MPDZ: variants seen among roughly 807,000 people sequenced by gnomAD.
MPDZ encodes multiple PDZ domain crumbs cell polarity complex component, also known as multiple PDZ domain protein.
Under a neutral mutation model 239.1 loss-of-function variants are expected in MPDZ, and 234 were observed. That is an observed-to-expected ratio of 0.98 (90% confidence interval 0.88 to 1.09). MPDZ has a LOEUF of 1.09. MPDZ is among the 50% of genes least tolerant of loss of function. The probability of loss-of-function intolerance (pLI) is 0.00; values close to 1 mark genes in which losing one functional copy is unlikely to be tolerated. For synonymous variants in MPDZ, 1,048 were observed against 881.3 expected (o/e 1.19, Z -3.35); for missense variants, 3,175 against 2,510.0 (o/e 1.26, Z -5.66).
intron 3 of MPDZ, among the ~76,000 whole-genome samples, chr9:13,230,760 G>A (rs1163042144): frequency 6.6e-6 from 1 of 151,924 alleles, no homozygotes; most frequent in East Asian, 1.9e-4. Flanking sequence ...AGGGAGAGGA[G>A]GGAAACGGGA....
chr9:13,190,502 A>G (rs1954756727), intron 15 of MPDZ, among the ~76,000 whole-genome samples: 1 of 152,204 alleles, frequency 6.6e-6, no homozygotes, highest in Non-Finnish European at 1.5e-5. Context: ...CCTAAGTTTT[A>G]ACAAACATTA....
chr9:13,187,470 T>C (rs1954277050), intron 17 of MPDZ, among the ~76,000 whole-genome samples: 1 of 152,184 alleles, frequency 6.6e-6, no homozygotes, highest in African/African-American at 2.4e-5. Context: ...CTATCTTTAT[T>C]CTTACATTCC....
intron 1 of MPDZ, among the ~76,000 whole-genome samples, chr9:13,277,522 C>G (rs1344766294): frequency 6.6e-6 from 1 of 152,060 alleles, no homozygotes; most frequent in Non-Finnish European, 1.5e-5. Context: ...ATTAGAAGAT[C>G]AAGTCAAGGA....
At chr9:13,141,647 C>A (rs561255173) in intron 27 of MPDZ, among the ~76,000 whole-genome samples, 2 of 151,974 alleles carry the variant, frequency 1.3e-5, no homozygotes, top group Non-Finnish European at 2.9e-5. Flanking sequence ...AAATGATAAA[C>A]ACGCACAAAT....
At chr9:13,136,325 C>CTTT (rs869272418) in intron 30 of MPDZ, 143 bp from the exon 31 acceptor site, 2,633 of 156,380 alleles carry the variant, frequency 0.017, 441 homozygotes, top group African/African-American at 0.12. Context: ...CAAACGTTTT[C>CTTT]TTTTTTTTTT....
chr9:13,136,320 G>GT (rs1444109820), intron 30 of MPDZ, 138 bp from the exon 31 acceptor site: 157 of 194,512 alleles, frequency 8.1e-4, no homozygotes, highest in South Asian at 2.4e-3. Context: ...ATTTACAAAC[G>GT]TTTTCTTTTT....
chr9:13,168,232 T>C (rs1461706183), intron 22 of MPDZ, 134 bp downstream of exon 22: 2 of 801,482 alleles, frequency 2.5e-6, no homozygotes, highest in Non-Finnish European at 4.0e-6. Flanking sequence ...AAATAGTCAA[T>C]TTCTTGAGTG....
intron 8 of MPDZ, 117 bp from the exon 9 acceptor site, chr9:13,217,411 C>A: frequency 1.5e-6 from 1 of 653,272 alleles, no homozygotes; most frequent in South Asian, 2.0e-5. Context: ...TACTTTAATT[C>A]TCTAGCAAAG....
chr9:13,110,566 CT>C, intron 44 of MPDZ, 69 bp downstream of exon 44: 2 of 1,031,936 alleles, frequency 1.9e-6, no homozygotes, highest in Non-Finnish European at 3.0e-6. Context: ...ATTTTTACTG[CT>C]TTAACATCAA....
chr9:13,246,392 A>T (rs1300538637), intron 3 of MPDZ, among the ~76,000 whole-genome samples: 1 of 152,216 alleles, frequency 6.6e-6, no homozygotes, highest in African/African-American at 2.4e-5. Flanking sequence ...CAGTGAGCAG[A>T]GATGGTGCCA....
intron 7 of MPDZ, 123 bp from the exon 8 acceptor site, chr9:13,219,891 A>T: frequency 3.5e-6 from 3 of 849,378 alleles, no homozygotes; most frequent in Non-Finnish European, 5.5e-6. Flanking sequence ...GACATAAAAT[A>T]AAACACATGG....
intron 32 of MPDZ, among the ~76,000 whole-genome samples, chr9:13,128,884 A>T (rs1945501036): frequency 6.6e-6 from 1 of 152,168 alleles, no homozygotes; most frequent in African/African-American, 2.4e-5. Context: ...GATAAAGCTG[A>T]CACTGGATGG....
chr9:13,119,112 CTTT>C, intron 39 of MPDZ, among the ~76,000 whole-genome samples: 1 of 152,234 alleles, frequency 6.6e-6, no homozygotes, highest in African/African-American at 2.4e-5. Context: ...TTTGAGATGA[CTTT>C]TTATTTATTT....
chr9:13,157,951 A>G (rs1309880297), intron 24 of MPDZ, 67 bp downstream of exon 24: 23 of 1,381,120 alleles, frequency 1.7e-5, no homozygotes, highest in Non-Finnish European at 2.3e-5. Context: ...AGTACTTGAA[A>G]CCACACCTGC....
In MPDZ at chr9:13,122,084, T is replaced by C. The variant is rs901936629; in HGVS notation, c.5037+3A>G. The C allele has an allele frequency of 6.2e-6, 10 of 1,613,878 alleles. No homozygotes were observed. In the East Asian group the frequency reaches 8.9e-5, roughly 14 times the overall value. On this transcript the variant is annotated splice_donor_region_variant and intron_variant, in intron 37 of 46. Transcript: ENST00000319217. ...TTGAAGGTCAAAAACAGGCATTCTA[T>C]ACCTCTAAGATCTGATCTCCAGCCC...
intron 1 of MPDZ, among the ~76,000 whole-genome samples, chr9:13,269,948 T>C (rs1352766117): frequency 1.3e-5 from 2 of 152,206 alleles, no homozygotes; most frequent in African/African-American, 4.8e-5. Context: ...CAATTCGATC[T>C]CCTAATTACT....
At chr9:13,221,244 GAA>G in intron 7 of MPDZ, 126 bp downstream of exon 7, 1 of 1,036,936 alleles carries the variant, frequency 9.6e-7, no homozygotes, top group Non-Finnish European at 1.3e-6. Flanking sequence ...TCAATAAAAC[GAA>G]AGATTCTAAC....
intron 1 of MPDZ, among the ~76,000 whole-genome samples, chr9:13,262,291 A>T (rs921659966): frequency 1.1e-4 from 17 of 149,544 alleles, no homozygotes; most frequent in Admixed American, 2.7e-4. Context: ...AACAAAAAAT[A>T]AAAAAAAAAT....
chr9:13,226,106 G>T (rs1329582425), intron 3 of MPDZ, among the ~76,000 whole-genome samples: 1 of 151,968 alleles, frequency 6.6e-6, no homozygotes, highest in Non-Finnish European at 1.5e-5. Flanking sequence ...TTTGTAGCTG[G>T]ACCCTAACTC....
Sources: allele counts gnomAD v4.1 joint callset (sites outside exome capture counted in the v4.1 genomes callset), GRCh38; gene constraint gnomAD v4.1.1; transcripts MANE v1.5; gene names NCBI Gene and HGNC (gene_info 2026-07-23, HGNC 2026-07-21).